SCN7A: variants seen among roughly 807,000 people sequenced by gnomAD.
SCN7A encodes the protein sodium voltage-gated channel alpha subunit 7, also known as sodium channel protein type 7 subunit alpha.
SCN7A carries 138 observed loss-of-function variants against 155.2 expected under a neutral mutation model. The observed-to-expected ratio is 0.89, with a 90% CI of 0.77 to 1.02. The LOEUF (loss-of-function observed/expected upper bound fraction) is 1.02. Ranked by LOEUF, SCN7A falls within the 50% of genes least tolerant of loss-of-function variation. The pLI is 0.00. For synonymous variants in SCN7A, 693 were observed against 649.0 expected, an observed-to-expected ratio of 1.07 and a Z score of -1.03; for missense variants, 2,058 against 1,986.6, an observed-to-expected ratio of 1.04 and a Z score of -0.68.
At chr2:166,443,174 C>T (rs752595028) in intron 14 of SCN7A, among the ~76,000 whole-genome samples, 6 of 152,114 alleles carry the variant, frequency 3.9e-5, no homozygotes, top group Non-Finnish European at 7.4e-5. Flanking sequence ...CACCTTATTT[C>T]GGCTTCTTGG....
intron 15 of SCN7A, among the ~76,000 whole-genome samples, chr2:166,434,157 CT>C (rs930524851): frequency 6.6e-6 from 1 of 152,032 alleles, no homozygotes; most frequent in African/African-American, 2.4e-5. Context: ...AATAATTACT[CT>C]TTTTCTCATG....
rs776614707 is a variant in SCN7A at position 166,406,221 on chromosome 2, A to G, written c.4408T>C (p.Ser1470Pro). 2 of 1,613,078 alleles carry G rather than the reference A, an allele frequency of 1.2e-6. No homozygotes were observed. The highest frequency in any genetic ancestry group is 1.7e-6 in the Non-Finnish European group (2 of 1,179,534). ...TQVRGDCGNP[S>P]VGIFYFVSYI... Reference sequence around the variant, plus strand: ...CTGACAAAATAAAAAATCCCAACAGAGGGGTTCCCACAATCTCCTCTAACT... The same window carrying G: ...CTGACAAAATAAAAAATCCCAACAGGGGGGTTCCCACAATCTCCTCTAACT... The change falls in exon 26 of 26, where the codon TCT becomes CCT. Residue 1470 changes from serine to proline, a missense_variant. Ser to Pro is a moderately conservative substitution (Grantham distance 74). Coordinates refer to ENST00000643258, the MANE Select transcript of SCN7A (RefSeq NM_002976.4).
At chr2:166,482,215 T>C (rs1004554302) in intron 2 of SCN7A, among the ~76,000 whole-genome samples, 1 of 152,068 alleles carries the variant, frequency 6.6e-6, no homozygotes, top group Non-Finnish European at 1.5e-5. Flanking sequence ...TTTTTAGGGA[T>C]CCATTCTGAT....
In SCN7A at chr2:166,410,497, T is replaced by TAAA. The variant is rs1255326840; in HGVS notation, c.3607-176_3607-174dup. 2.0e-5 allele frequency among the ~76,000 whole-genome samples: 3 copies of TAAA among 152,022 alleles called. No individual in the cohort carries two copies. The East Asian group carries it at 5.8e-4, about 29-fold the overall frequency. On this transcript the variant is annotated intron_variant, in intron 23 of 25. Transcript: ENST00000643258. ...GTCTGACTTTCTGCCCAAAAATCCATAAAAAGCACATACAGAATACATGCT... is the reference window on the plus strand; with the variant it reads ...GTCTGACTTTCTGCCCAAAAATCCATAAAAAAAAGCACATACAGAATACATGCT...
At chr2:166,465,746 T>C in intron 8 of SCN7A, 35 bp downstream of exon 8, 1 of 1,604,168 alleles carries the variant, frequency 6.2e-7, no homozygotes, top group Non-Finnish European at 8.5e-7. Flanking sequence ...AACGAAAGTT[T>C]CAATTTTTGA....
intron 12 of SCN7A, among the ~76,000 whole-genome samples, chr2:166,445,643 G>A (rs978550734): frequency 8.6e-5 from 13 of 151,988 alleles, no homozygotes; most frequent in African/African-American, 3.1e-4. Flanking sequence ...CACTTCACAT[G>A]TGTGTCCATG....
chr2:166,476,012 C>A (rs1341048393), intron 3 of SCN7A, among the ~76,000 whole-genome samples: 2 of 151,912 alleles, frequency 1.3e-5, no homozygotes, highest in Non-Finnish European at 2.9e-5. Flanking sequence ...TGCAGTATTA[C>A]ACCTATCCCT....
intron 2 of SCN7A, among the ~76,000 whole-genome samples, chr2:166,481,949 AAAATG>A (rs1702939135): frequency 6.6e-6 from 1 of 152,178 alleles, no homozygotes. Context: ...ATAGCTGTCA[AAAATG>A]AAATGGGTTG....
intron 11 of SCN7A, among the ~76,000 whole-genome samples, chr2:166,449,104 C>A (rs1017973141): frequency 2.6e-4 from 39 of 152,110 alleles, no homozygotes; most frequent in African/African-American, 9.4e-4. Flanking sequence ...TTAAAACTCC[C>A]AGGCTTTGTT....
At chr2:166,424,603 CTA>C (rs1414246164) in intron 18 of SCN7A, among the ~76,000 whole-genome samples, 1 of 151,846 alleles carries the variant, frequency 6.6e-6, no homozygotes, top group African/African-American at 2.4e-5. Flanking sequence ...GGGATCAGTA[CTA>C]TAAGTATACA....
rs553538029 is a variant in SCN7A at position 166,441,620 on chromosome 2, C to T, written c.1933G>A (p.Gly645Ser). The change falls in exon 15 of 26, where the codon GGC (glycine) becomes AGC (serine). Residue 645 changes from glycine to serine, a missense_variant. Physicochemically the swap from Gly to Ser is moderately conservative, Grantham distance 56. Transcript: ENST00000643258. ...TAATTCTTACCAAACAGCTTCATGCCGAATGCAGCAGAAAAGAAGATGAAT... is the reference window on the plus strand; with the variant it reads ...TAATTCTTACCAAACAGCTTCATGCTGAATGCAGCAGAAAAGAAGATGAAT... ...FTFIFFSAAFGMKLFGKNYEE... is the reference protein window; with the variant it reads ...FTFIFFSAAFSMKLFGKNYEE... The T allele has an allele frequency of 2.1e-5, 34 of 1,613,638 alleles. No individual in the cohort carries two copies. The highest frequency in any genetic ancestry group is 6.7e-5 in the African/African-American group (5 of 74,870).
intron 11 of SCN7A, 57 bp downstream of exon 11, chr2:166,456,801 AAAATATATATAT>A: frequency 1.8e-6 from 1 of 566,196 alleles, no homozygotes. Context: ...TTTCAAGACT[AAAATATATATAT>A]ATATATATAT....
intron 21 of SCN7A, among the ~76,000 whole-genome samples, chr2:166,415,083 CCTGA>C (rs1190289106): frequency 4.1e-5 from 6 of 146,128 alleles, no homozygotes; most frequent in Non-Finnish European, 8.9e-5. Context: ...TCTAGGGAAG[CCTGA>C]CTAATACATT....
chr2:166,472,348 T>C lies in SCN7A; in HGVS notation c.541A>G (p.Asn181Asp), dbSNP rs747593707. 6.2e-7 allele frequency: 1 copy of C among 1,608,792 alleles called. No homozygotes were observed. The highest frequency in any genetic ancestry group is 1.1e-5 in the South Asian group (1 of 90,408). ...GSFSFLGDPWNWLDFSVTVFE... is the reference protein window; with the variant it reads ...GSFSFLGDPWDWLDFSVTVFE... The stretch of plus-strand genomic sequence containing the variant: ...ACAGTTACGCTGAAATCGAGCCAGT[T>C]CCATGGATCACCGAGGAAGGAAAAT... The change falls in exon 6 of 26, where the codon AAC becomes GAC. Residue 181 changes from asparagine to aspartate, a missense_variant. Transcript: ENST00000643258.
intron 6 of SCN7A, 93 bp downstream of exon 6, chr2:166,472,224 C>A: frequency 7.7e-7 from 1 of 1,294,906 alleles, no homozygotes. Flanking sequence ...AGACTATCTG[C>A]AGGCCAAAAT....
intron 3 of SCN7A, 44 bp from the exon 4 acceptor site, chr2:166,474,388 A>G (rs1303099846): frequency 2.4e-6 from 2 of 821,744 alleles, no homozygotes; most frequent in Non-Finnish European, 3.7e-6. Context: ...ACTCAGAACC[A>G]TAATCTCATC....
chr2:166,406,259 T>C lies in SCN7A; in HGVS notation c.4370A>G (p.Asn1457Ser), dbSNP rs1701070192. The change falls in exon 26 of 26, where the codon AAC (asparagine) becomes AGC (serine). Residue 1457 changes from asparagine to serine, a missense_variant. Transcript: ENST00000643258. ...ATCTCCTCTAACTTGAGTCCCAGGG[T>C]TAATTTTATCAGGATCACAGTCAGA... ...KWSDCDPDKI[N>S]PGTQVRGDCG... The C allele has an allele frequency of 6.2e-7, 1 of 1,613,190 alleles. No homozygotes were observed. The highest frequency in any genetic ancestry group is 8.5e-7 in the Non-Finnish European group (1 of 1,179,522).
At chr2:166,490,266 C>T (rs1168328268) in intron 1 of SCN7A, among the ~76,000 whole-genome samples, 1 of 152,122 alleles carries the variant, frequency 6.6e-6, no homozygotes, top group African/African-American at 2.4e-5. Context: ...TTCACCCCCT[C>T]ATCCCCAGCC....
intron 11 of SCN7A, among the ~76,000 whole-genome samples, chr2:166,448,021 G>A (rs1465051317): frequency 6.6e-6 from 1 of 152,034 alleles, no homozygotes; most frequent in Admixed American, 6.6e-5. Context: ...ATTAATTAGA[G>A]TCACTGTACT....
Sources: gnomAD v4.1 joint callset for allele counts (sites outside exome capture counted in the v4.1 genomes callset) on GRCh38, gnomAD v4.1.1 for gene constraint, MANE v1.5 for transcripts, NCBI Gene and HGNC (gene_info 2026-07-23, HGNC 2026-07-21) for gene names.